GPC6: variants seen among roughly 807,000 people sequenced by gnomAD.
The protein encoded by GPC6 is glypican-6.
GPC6 carries 14 observed loss-of-function variants against 55.2 expected under a neutral mutation model. That is an observed-to-expected ratio of 0.25 (90% CI 0.17 to 0.40). GPC6 has a LOEUF of 0.40. GPC6 is among the 10% of genes least tolerant of loss of function. GPC6 has a pLI of 1.00. For missense variants in GPC6, 641 were observed against 708.5 expected (o/e 0.90, Z 1.08); for synonymous variants, 278 against 259.6 (o/e 1.07, Z -0.68).
chr13:93,672,076 C>A (rs1294409942), intron 2 of GPC6, among the ~76,000 whole-genome samples: 1 of 150,532 alleles, frequency 6.6e-6, no homozygotes, highest in South Asian at 2.1e-4. Context: ...AAGGAAAGAA[C>A]AAGGAACAGA....
In GPC6 at chr13:94,219,150, TA is replaced by T. The variant is rs1890309835; in HGVS notation, c.878-67195del. On this transcript the variant is annotated intron_variant, in intron 4 of 8. Transcript: ENST00000377047. ...ACCACAACGGCAATAACATGCCCTT[TA>T]AAAGAGTCGACTGCTTTTCAAGCAG... 2.6e-5 allele frequency among the ~76,000 whole-genome samples: 4 copies of T among 152,310 alleles called. 1 individual carries two copies. In the South Asian group the frequency reaches 8.3e-4, roughly 32 times the overall value.
intron 6 of GPC6, among the ~76,000 whole-genome samples, chr13:94,339,427 G>A (rs570904015): frequency 6.6e-6 from 1 of 152,028 alleles, no homozygotes; most frequent in African/African-American, 2.4e-5. Context: ...CATAAGTTAC[G>A]CGATGTAACT....
intron 2 of GPC6, among the ~76,000 whole-genome samples, chr13:93,730,867 A>C (rs763257205): frequency 6.6e-6 from 1 of 152,156 alleles, no homozygotes; most frequent in Non-Finnish European, 1.5e-5. Flanking sequence ...ATGACCTAGG[A>C]GTGACTTACT....
At chr13:93,494,100 T>C (rs1195281361) in intron 1 of GPC6, among the ~76,000 whole-genome samples, 1 of 120,024 alleles carries the variant, frequency 8.3e-6, no homozygotes, top group Admixed American at 8.9e-5. Context: ...GTCTCGTTGA[T>C]CTGTCTAATG....
At chr13:94,104,382 T>G (rs867548829) in intron 4 of GPC6, among the ~76,000 whole-genome samples, 2 of 152,144 alleles carry the variant, frequency 1.3e-5, no homozygotes, top group Non-Finnish European at 1.5e-5. Flanking sequence ...GGGCAAAAAC[T>G]GGAAGCATTC....
At chr13:94,283,099 C>G (rs1331909290) in intron 4 of GPC6, among the ~76,000 whole-genome samples, 1 of 152,202 alleles carries the variant, frequency 6.6e-6, no homozygotes, top group Non-Finnish European at 1.5e-5. Context: ...ATCCATGTGT[C>G]TTTTACTCCC....
chr13:93,431,854 G>A (rs1877371976), intron 1 of GPC6, among the ~76,000 whole-genome samples: 1 of 152,110 alleles, frequency 6.6e-6, no homozygotes. Context: ...AAAACATATT[G>A]ACTTGCTTCC....
chr13:93,930,883 A>G (rs1878130557), intron 3 of GPC6, among the ~76,000 whole-genome samples: 1 of 152,152 alleles, frequency 6.6e-6, no homozygotes, highest in East Asian at 1.9e-4. Context: ...TGATGCTGGC[A>G]TCTAGTTGGC....
intron 1 of GPC6, among the ~76,000 whole-genome samples, chr13:93,271,035 A>G (rs1333307864): frequency 2.6e-5 from 4 of 152,188 alleles, no homozygotes; most frequent in Admixed American, 2.6e-4. Flanking sequence ...CTTCTGGGCA[A>G]AAAGCAGAAG....
chr13:93,773,484 C>G (rs1158716844), intron 2 of GPC6, among the ~76,000 whole-genome samples: 2 of 151,950 alleles, frequency 1.3e-5, no homozygotes. Flanking sequence ...CTTACGTACC[C>G]CAAAATCTTT....
intron 1 of GPC6, among the ~76,000 whole-genome samples, chr13:93,469,495 G>A (rs543480640): frequency 6.6e-6 from 1 of 152,076 alleles, no homozygotes. Context: ...ATTTTATAAA[G>A]CCAAGTTTAT....
chr13:93,797,864 G>A (rs1209541012), intron 2 of GPC6, among the ~76,000 whole-genome samples: 1 of 151,970 alleles, frequency 6.6e-6, no homozygotes, highest in Non-Finnish European at 1.5e-5. Flanking sequence ...AATGTTCTGG[G>A]TCTCTATTTC....
At chr13:94,072,123 CTG>C (rs1027898543) in intron 4 of GPC6, among the ~76,000 whole-genome samples, 8 of 152,242 alleles carry the variant, frequency 5.3e-5, no homozygotes, top group African/African-American at 1.7e-4. Context: ...AACCTAAAAA[CTG>C]AGGAGTCACT....
At chr13:93,744,314 G>C (rs139779988) in intron 2 of GPC6, among the ~76,000 whole-genome samples, 1 of 152,008 alleles carries the variant, frequency 6.6e-6, no homozygotes, top group Non-Finnish European at 1.5e-5. Flanking sequence ...CATTGATGAA[G>C]CTCGTCTCTA....
chr13:93,331,007 T>C (rs1409039071), intron 1 of GPC6, among the ~76,000 whole-genome samples: 1 of 152,196 alleles, frequency 6.6e-6, no homozygotes, highest in African/African-American at 2.4e-5. Context: ...GACAGATGAA[T>C]GTAGCACTGA....
In GPC6 at chr13:93,355,746, G is replaced by A. The variant is rs988174648; in HGVS notation, c.160+128130G>A. Among the ~76,000 whole-genome samples the A allele has an allele frequency of 2.6e-5, 4 of 152,174 alleles. No homozygotes were observed. The South Asian group carries it at 6.2e-4, about 24-fold the overall frequency. ...GGTTCTGTGTGGGAGCTGGGGAACAGGGAGGTGTTGTAGCAGTCCAGTCTG... is the reference window on the plus strand; with the variant it reads ...GGTTCTGTGTGGGAGCTGGGGAACAAGGAGGTGTTGTAGCAGTCCAGTCTG... On this transcript the variant is annotated intron_variant, in intron 1 of 8. Transcript: ENST00000377047.
intron 1 of GPC6, among the ~76,000 whole-genome samples, chr13:93,453,033 T>C (rs9301881): frequency 0.4 from 61,054 of 152,058 alleles, 12,752 homozygotes; most frequent in Admixed American, 0.5. Flanking sequence ...TTGAGACTAC[T>C]TTGAGTGATT....
intron 2 of GPC6, among the ~76,000 whole-genome samples, chr13:93,771,419 A>G (rs1389271633): frequency 6.6e-6 from 1 of 152,060 alleles, no homozygotes; most frequent in African/African-American, 2.4e-5. Flanking sequence ...TTTTGGCTTC[A>G]TCTCTCATCG....
At chr13:94,236,011 G>A (rs528674686) in intron 4 of GPC6, among the ~76,000 whole-genome samples, 65 of 152,262 alleles carry the variant, frequency 4.3e-4, no homozygotes, top group Non-Finnish European at 8.1e-4. Context: ...AAGTGTTTAC[G>A]TTAGCTCAAC....
Sources: allele counts gnomAD v4.1 joint callset (sites outside exome capture counted in the v4.1 genomes callset), GRCh38; gene constraint gnomAD v4.1.1; transcripts MANE v1.5; gene names NCBI Gene and HGNC (gene_info 2026-07-23, HGNC 2026-07-21).